The following NCAM2 variants were observed in gnomAD, a reference collection of about 807,000 sequenced individuals.
NCAM2 encodes the protein neural cell adhesion molecule 2.
A neutral mutation model predicts 98.1 loss-of-function variants in NCAM2; 30 were observed. That is an observed-to-expected ratio of 0.31 (90% confidence interval 0.23 to 0.41). NCAM2 has a LOEUF of 0.41. NCAM2 is among the 10% of genes least tolerant of loss of function. The pLI is 1.00. For missense variants in NCAM2, 867 were observed against 1,005.8 expected (o/e 0.86, Z 1.87); for synonymous variants, 368 against 342.4 (o/e 1.07, Z -0.83).
At chr21:21,035,597 A>G (rs1601160779) in intron 1 of NCAM2, among the ~76,000 whole-genome samples, 2 of 152,264 alleles carry the variant, frequency 1.3e-5, no homozygotes, top group South Asian at 4.1e-4. Context: ...AAATCTCATG[A>G]TGTTAGGTTA....
At chr21:21,376,409 A>G (rs963480028) in intron 9 of NCAM2, among the ~76,000 whole-genome samples, 5 of 151,876 alleles carry the variant, frequency 3.3e-5, no homozygotes, top group Admixed American at 1.3e-4. Flanking sequence ...TGAATAAAAC[A>G]TAGCTCCTCC....
At chr21:21,173,284 T>A (rs1027255367) in intron 1 of NCAM2, among the ~76,000 whole-genome samples, 1 of 152,208 alleles carries the variant, frequency 6.6e-6, no homozygotes, top group South Asian at 2.1e-4. Flanking sequence ...TTCAATGGAA[T>A]TAAATGTGAC....
intron 8 of NCAM2, among the ~76,000 whole-genome samples, chr21:21,358,325 T>C (rs1488493731): frequency 6.6e-6 from 1 of 152,076 alleles, no homozygotes; most frequent in East Asian, 1.9e-4. Flanking sequence ...AAGATATAAC[T>C]GCACCTACCT....
intron 9 of NCAM2, among the ~76,000 whole-genome samples, chr21:21,376,059 T>A (rs2076026466): frequency 6.6e-6 from 1 of 151,888 alleles, no homozygotes; most frequent in East Asian, 1.9e-4. Flanking sequence ...GACTAGCTAA[T>A]ATGTTAATTA....
chr21:21,452,968 ATAT>A (rs1419273226), intron 12 of NCAM2, among the ~76,000 whole-genome samples: 1,347 of 23,588 alleles, frequency 0.057, 41 homozygotes, highest in African/African-American at 0.16. Context: ...TATATATTAT[ATAT>A]TATTATATAT....
At position 21,432,159 on chromosome 21, in the gene NCAM2, C is replaced by T. The variant is rs573485921; in HGVS notation, c.1532C>T (p.Thr511Met). ...AAGATCATAGAGCTGTCGCAGACCA[C>T]GGCCAAGGTTTCCTTCAACAAACCG... Reference protein sequence around the residue: ...GVKIIELSQTTAKVSFNKPDS... With the variant: ...GVKIIELSQTMAKVSFNKPDS... Residue 511 changes from threonine (T) to methionine (M), a missense_variant, in exon 12 of 18, where the codon ACG becomes ATG. Around this residue, in one of 5 missense-constraint regions of NCAM2, gnomAD observed 234 missense variants for 333.8 expected, o/e 0.70. Transcript: ENST00000400546. 65 of 1,613,986 alleles carry T rather than the reference C, an allele frequency of 4.0e-5. No homozygotes were observed. Among genetic ancestry groups the T allele is most frequent in the East Asian group, 8.9e-5 (4 of 44,854 alleles).
intron 1 of NCAM2, among the ~76,000 whole-genome samples, chr21:21,062,313 T>G (rs1196352016): frequency 1.3e-5 from 2 of 152,216 alleles, no homozygotes; most frequent in Non-Finnish European, 2.9e-5. Context: ...TTTTGCTTTT[T>G]TTTCGCCTAA....
At chr21:21,066,527 ATGTAGC>A (rs2065441335) in intron 1 of NCAM2, among the ~76,000 whole-genome samples, 1 of 152,130 alleles carries the variant, frequency 6.6e-6, no homozygotes, top group Admixed American at 6.5e-5. Flanking sequence ...CTAAAAAATG[ATGTAGC>A]TGTGGAAACA....
chr21:21,112,727 G>A (rs1196418737), intron 1 of NCAM2, among the ~76,000 whole-genome samples: 2 of 152,160 alleles, frequency 1.3e-5, no homozygotes, highest in African/African-American at 2.4e-5. Context: ...TAAAAGAACA[G>A]TGCAGATCAT....
At chr21:21,275,647 A>G (rs987268388) in intron 1 of NCAM2, among the ~76,000 whole-genome samples, 3 of 152,100 alleles carry the variant, frequency 2.0e-5, no homozygotes, top group Non-Finnish European at 1.5e-5. Flanking sequence ...AAATCTTAAC[A>G]TCTTTGACTT....
At chr21:21,434,368 G>A (rs993717715) in intron 12 of NCAM2, among the ~76,000 whole-genome samples, 5 of 152,112 alleles carry the variant, frequency 3.3e-5, no homozygotes, top group Admixed American at 1.3e-4. Flanking sequence ...AAAAGCTTGC[G>A]AATGAGAATA....
chr21:21,106,619 T>A (rs183537261), intron 1 of NCAM2, among the ~76,000 whole-genome samples: 1 of 151,950 alleles, frequency 6.6e-6, no homozygotes, highest in East Asian at 1.9e-4. Context: ...TGCTTACATC[T>A]TTAGGTCTTT....
chr21:21,411,010 A>G (rs1428224216), intron 10 of NCAM2, among the ~76,000 whole-genome samples: 2 of 109,540 alleles, frequency 1.8e-5, no homozygotes, highest in East Asian at 5.6e-4. Flanking sequence ...CGTCTTAAAA[A>G]AAAAAATATA....
intron 3 of NCAM2, 97 bp downstream of exon 3, chr21:21,284,497 G>T: frequency 1.1e-6 from 1 of 895,430 alleles, no homozygotes; most frequent in East Asian, 2.6e-5. Flanking sequence ...TAAGAACTAT[G>T]TGCTTTGAAA....
chr21:21,067,754 A>G (rs963680798), intron 1 of NCAM2, among the ~76,000 whole-genome samples: 3 of 152,234 alleles, frequency 2.0e-5, no homozygotes, highest in Non-Finnish European at 4.4e-5. Context: ...GAGAGAAAAA[A>G]TAAACTGGCA....
chr21:21,211,788 C>T (rs994438687), intron 1 of NCAM2, among the ~76,000 whole-genome samples: 1 of 152,044 alleles, frequency 6.6e-6, no homozygotes, highest in African/African-American at 2.4e-5. Context: ...TCCTTATCTC[C>T]TATGGTAGAA....
chr21:21,351,700 T>C (rs1231661372), intron 8 of NCAM2, among the ~76,000 whole-genome samples: 1 of 152,162 alleles, frequency 6.6e-6, no homozygotes, highest in Non-Finnish European at 1.5e-5. Context: ...TATTGCCACT[T>C]TATATAAACA....
At chr21:21,488,378 G>A (rs186259630) in intron 15 of NCAM2, among the ~76,000 whole-genome samples, 18 of 151,844 alleles carry the variant, frequency 1.2e-4, no homozygotes, top group East Asian at 3.9e-4. Context: ...TTTCAACCAC[G>A]TACAATTAAA....
intron 11 of NCAM2, among the ~76,000 whole-genome samples, chr21:21,428,093 A>C (rs2077254562): frequency 6.6e-6 from 1 of 152,218 alleles, no homozygotes; most frequent in Non-Finnish European, 1.5e-5. Context: ...CAGTCTCTTA[A>C]TCCAGCACTT....
Sources: gnomAD v4.1 joint callset for allele counts (sites outside exome capture counted in the v4.1 genomes callset) on GRCh38, gnomAD v4.1.1 for gene constraint, gnomAD v4.1.1 regional missense constraint, MANE v1.5 for transcripts, NCBI Gene and HGNC (gene_info 2026-07-23, HGNC 2026-07-21) for gene names.